The following NBEA variants were observed in gnomAD, a reference collection of about 807,000 sequenced individuals.
NBEA encodes neurobeachin.
In NBEA, 44 loss-of-function variants were observed where a neutral mutation model predicts 343.4. The observed-to-expected ratio is 0.13, with a 90% confidence interval of 0.10 to 0.16. The LOEUF is 0.16. Among genes scored for constraint, NBEA ranks in the 10% least tolerant of loss-of-function variants. The pLI is 1.00. For missense variants in NBEA, 2,555 were observed against 3,631.3 expected (o/e 0.70, Z 7.62); for synonymous variants, 1,175 against 1,238.7 (o/e 0.95, Z 1.08).
chr13:35,478,001 T>C (rs1288969331), intron 41 of NBEA, among the ~76,000 whole-genome samples: 1 of 152,156 alleles, frequency 6.6e-6, no homozygotes, highest in Non-Finnish European at 1.5e-5. Context: ...TTTAATTGTC[T>C]ACCTTTAATT....
intron 7 of NBEA, 68 bp from the exon 8 acceptor site, chr13:35,058,649 C>T (rs1401254242): frequency 4.6e-5 from 57 of 1,226,734 alleles, no homozygotes; most frequent in Non-Finnish European, 6.1e-5. Flanking sequence ...TAATGAAGGC[C>T]GATTTAAGGA....
At chr13:34,955,933 A>C (rs542232540) in intron 1 of NBEA, among the ~76,000 whole-genome samples, 20 of 152,220 alleles carry the variant, frequency 1.3e-4, no homozygotes, top group Non-Finnish European at 2.8e-4. Flanking sequence ...TATTTAATGA[A>C]ATACATGGGC....
intron 43 of NBEA, among the ~76,000 whole-genome samples, chr13:35,552,532 T>G (rs2079378175): frequency 6.6e-6 from 1 of 152,220 alleles, no homozygotes; most frequent in Non-Finnish European, 1.5e-5. Flanking sequence ...TCTTATTGAA[T>G]CTAAGCTGAC....
At chr13:35,526,771 C>A (rs2077995151) in intron 41 of NBEA, among the ~76,000 whole-genome samples, 1 of 152,208 alleles carries the variant, frequency 6.6e-6, no homozygotes, top group South Asian at 2.1e-4. Flanking sequence ...CATGGTCCGG[C>A]CACCGTGCAC....
intron 32 of NBEA, among the ~76,000 whole-genome samples, chr13:35,210,186 A>T (rs2073672218): frequency 6.6e-6 from 1 of 151,998 alleles, no homozygotes; most frequent in Admixed American, 6.6e-5. Flanking sequence ...AAGAATTAAT[A>T]ATATGGAAAG....
intron 47 of NBEA, among the ~76,000 whole-genome samples, chr13:35,600,974 C>T (rs9574220): frequency 0.15 from 22,910 of 152,054 alleles, 1,916 homozygotes; most frequent in East Asian, 0.32. Flanking sequence ...ATCAAGAGTT[C>T]GACACTAGCC....
At chr13:35,435,786 T>A (rs2045400295) in intron 39 of NBEA, among the ~76,000 whole-genome samples, 2 of 152,282 alleles carry the variant, frequency 1.3e-5, no homozygotes, top group South Asian at 4.1e-4. Context: ...TAGGTATTAG[T>A]GGGTTTGCAG....
chr13:35,256,579 A>C (rs769711569), intron 34 of NBEA, among the ~76,000 whole-genome samples: 2 of 151,922 alleles, frequency 1.3e-5, no homozygotes, highest in African/African-American at 4.8e-5. Context: ...CATGATATCC[A>C]TGGCACCCAG....
In NBEA at chr13:35,055,761, A is replaced by G. The variant is rs535874231; in HGVS notation, c.973-249A>G. Among the ~76,000 whole-genome samples, 3 of 152,288 alleles carry G rather than the reference A, an allele frequency of 2.0e-5. No homozygotes were observed. The East Asian group carries it at 5.8e-4, about 29-fold the overall frequency. ...TATTTCTACAATTTCGAATCTTGGTATAGTGGAAGGAACGTCACGCTGGAG... is the reference window on the plus strand; with the variant it reads ...TATTTCTACAATTTCGAATCTTGGTGTAGTGGAAGGAACGTCACGCTGGAG... On this transcript the variant is annotated intron_variant, in intron 6 of 58. Coordinates refer to ENST00000379939, the MANE Select transcript of NBEA (RefSeq NM_001385012.1).
At chr13:34,997,529 A>G (rs1214386927) in intron 1 of NBEA, among the ~76,000 whole-genome samples, 1 of 152,200 alleles carries the variant, frequency 6.6e-6, no homozygotes, top group African/African-American at 2.4e-5. Flanking sequence ...AAAAATATTT[A>G]TGCTGTGTAA....
rs761237444 is a variant in NBEA, at chr13:34,988,854, G to A, written c.294+45740G>A. Among the ~76,000 whole-genome samples, 5 of 150,770 alleles carry A rather than the reference G, an allele frequency of 3.3e-5. 1 individual carries two copies. The highest frequency in any genetic ancestry group is 2.6e-4 in the Admixed American group (4 of 15,162). Reference sequence around the variant, plus strand: ...TTATTTTCTTATTTTTCTGTAAACAGCATGTAGCTGAGTCTTTATAAAAAT... The same window carrying A: ...TTATTTTCTTATTTTTCTGTAAACAACATGTAGCTGAGTCTTTATAAAAAT... On this transcript the variant is annotated intron_variant, in intron 1 of 58. Coordinates refer to ENST00000379939, the MANE Select transcript of NBEA (RefSeq NM_001385012.1).
At chr13:35,199,405 T>C (rs905189021) in intron 31 of NBEA, among the ~76,000 whole-genome samples, 11 of 152,240 alleles carry the variant, frequency 7.2e-5, no homozygotes, top group African/African-American at 2.6e-4. Context: ...CTATCATGGG[T>C]CTTACTTTAC....
Position 35,549,674 on chromosome 13 carries a change from G to A in NBEA, c.6586-803G>A, listed in dbSNP as rs2079221143. On this transcript the variant is annotated intron_variant, in intron 41 of 58. Transcript: ENST00000379939. The stretch of plus-strand genomic sequence containing the variant: ...CCATTCAAGCAGGAAGGGCAAAGTG[G>A]TATGCCAGCTATATATGACTCATTT... 6.6e-5 allele frequency among the ~76,000 whole-genome samples: 10 copies of A among 152,128 alleles called. No individual in the cohort carries two copies. In the South Asian group the frequency reaches 2.1e-3, roughly 31 times the overall value.
At chr13:35,562,997 A>G (rs1211068823) in intron 44 of NBEA, among the ~76,000 whole-genome samples, 2 of 151,990 alleles carry the variant, frequency 1.3e-5, no homozygotes, top group Non-Finnish European at 2.9e-5. Flanking sequence ...AGTGTTTCTG[A>G]GATCTCATTT....
chr13:35,367,553 TG>T (rs1187156472), intron 38 of NBEA, among the ~76,000 whole-genome samples: 4 of 122,900 alleles, frequency 3.3e-5, no homozygotes, highest in Admixed American at 1.5e-4. Flanking sequence ...CTGTTGTTGT[TG>T]TTTTTTTTTT....
chr13:35,132,144 C>CTT, intron 17 of NBEA, among the ~76,000 whole-genome samples: 1 of 152,152 alleles, frequency 6.6e-6, no homozygotes, highest in Admixed American at 6.6e-5. Flanking sequence ...CATGAATGTT[C>CTT]TTAGTACTAT....
chr13:35,536,476 G>A (rs2153001970), intron 41 of NBEA, among the ~76,000 whole-genome samples: 1 of 151,972 alleles, frequency 6.6e-6, no homozygotes, highest in East Asian at 1.9e-4. Context: ...ACAGAAAATT[G>A]AACAGCTAAT....
chr13:35,625,882 C>T (rs1593402968), intron 48 of NBEA, among the ~76,000 whole-genome samples: 1 of 152,042 alleles, frequency 6.6e-6, no homozygotes, highest in Non-Finnish European at 1.5e-5. Context: ...GAGATAAGGA[C>T]GTATAGAAAC....
intron 37 of NBEA, among the ~76,000 whole-genome samples, chr13:35,350,253 T>C (rs370821664): frequency 2.1e-4 from 32 of 152,294 alleles, no homozygotes; most frequent in African/African-American, 7.5e-4. Context: ...TGGCTAGATA[T>C]TAGTTATGAG....
Sources: allele counts gnomAD v4.1 joint callset (sites outside exome capture counted in the v4.1 genomes callset), GRCh38; gene constraint gnomAD v4.1.1; transcripts MANE v1.5; gene names NCBI Gene and HGNC (gene_info 2026-07-23, HGNC 2026-07-21).